The following ZNF841 variants were observed in gnomAD, a reference collection of about 807,000 sequenced individuals.
ZNF841 encodes TCONS_00006091.
Under a neutral mutation model 13.0 loss-of-function variants are expected in ZNF841, and 11 were observed. That is an observed-to-expected ratio of 0.85 (90% CI 0.53 to 1.40). The LOEUF is 1.40. Among genes scored for constraint, ZNF841 ranks in the 40% most tolerant of loss-of-function variants. The pLI is 0.00. For missense variants in ZNF841, 1,068 were observed against 1,139.5 expected, an observed-to-expected ratio of 0.94 and a Z score of 0.90; for synonymous variants, 369 against 381.6, an observed-to-expected ratio of 0.97 and a Z score of 0.38.
At chr19:52,059,370 A>AAAAAAAT in the ZNF841 span, among the ~76,000 whole-genome samples, 115 of 69,562 alleles carry the variant, frequency 1.7e-3, 1 homozygote, top group African/African-American at 9.4e-3. Flanking sequence ...AAAAAAAAAA[A>AAAAAAAT]ATATATATAT....
At position 52,077,036 on chromosome 19, in the gene ZNF841, ACTC is replaced by A; in HGVS notation, c.61_63del (p.Glu21del). On this transcript the variant is annotated inframe_deletion, in exon 5 of 7. Coordinates refer to ENST00000594440, the MANE Select transcript of ZNF841 (RefSeq NM_001136499.2). ...TTCTGAACAGGGTCCAGGCATTTCCACTCCTCCTGAGAGAATTCTACAGCCACA... is the reference window on the plus strand; with the variant it reads ...TTCTGAACAGGGTCCAGGCATTTCCACTCCTGAGAGAATTCTACAGCCACA... 1 of 1,613,096 alleles carries A rather than the reference ACTC, an allele frequency of 6.2e-7. No homozygotes were observed.
At chr19:52,076,703 G>C (rs1827549717) in intron 5 of ZNF841, among the ~76,000 whole-genome samples, 1 of 151,522 alleles carries the variant, frequency 6.6e-6, no homozygotes, top group Non-Finnish European at 1.5e-5. Context: ...CAGGGAATTG[G>C]ATATATTAAC....
chr19:52,064,345 T>TC (rs2087461277), downstream of ZNF841: 1 of 82,410 alleles, frequency 1.2e-5, no homozygotes, highest in Non-Finnish European at 2.2e-5. Flanking sequence ...AGAGCGAGAC[T>TC]CCGTCTCCAA....
In ZNF841 at chr19:52,067,418, C is replaced by T; in HGVS notation, c.464G>A (p.Gly155Glu). The change falls in exon 7 of 7, where the codon GGG becomes GAG. Residue 155 changes from glycine to glutamate, a missense_variant. By Grantham distance (98) the Gly-to-Glu change is moderately conservative. Coordinates refer to ENST00000594440, the MANE Select transcript of ZNF841 (RefSeq NM_001136499.2). ...AAGATTGTTTTTATGGGTCATCGGC[C>T]CTTCTTTATAATTTATTTCACCATC... The part of the protein sequence containing the change: ...WKDGEINYKE[G>E]PMTHKNNLTG... 1 of 1,548,060 alleles carries T rather than the reference C, an allele frequency of 6.5e-7. No individual in the cohort carries two copies. Among genetic ancestry groups the T allele is most frequent in the African/African-American group, 1.4e-5 (1 of 72,784 alleles).
chr19:52,094,059 G>C (rs1388577449), intron 1 of ZNF841, 88 bp from the exon 2 acceptor site: 1 of 152,090 alleles, frequency 6.6e-6, no homozygotes, highest in Non-Finnish European at 1.5e-5. Flanking sequence ...TGTAGTGACA[G>C]TCAGTCATTT....
chr19:52,064,141 G>C (rs960566611), downstream of ZNF841, among the ~76,000 whole-genome samples: 1 of 151,296 alleles, frequency 6.6e-6, no homozygotes. Context: ...TCAGGAGATC[G>C]AGACCATCCT....
chr19:52,069,017 A>G (rs1330064838), intron 6 of ZNF841, among the ~76,000 whole-genome samples: 1 of 152,192 alleles, frequency 6.6e-6, no homozygotes, highest in Admixed American at 6.5e-5. Flanking sequence ...CTCAGTTATG[A>G]TTTCATGCCT....
At chr19:52,089,926 A>G (rs8112113) in intron 2 of ZNF841, among the ~76,000 whole-genome samples, 32,171 of 152,046 alleles carry the variant, frequency 0.21, 4,758 homozygotes, top group African/African-American at 0.41. Flanking sequence ...CTCTGGGCAC[A>G]TGCAACACAG....
chr19:52,074,429 T>C (rs1488099156), intron 6 of ZNF841, among the ~76,000 whole-genome samples: 4 of 152,176 alleles, frequency 2.6e-5, no homozygotes, highest in African/African-American at 2.4e-5. Flanking sequence ...TAAACAAAAA[T>C]ACTGGGGAAG....
At chr19:52,081,980 T>G (rs998652851) in intron 4 of ZNF841, among the ~76,000 whole-genome samples, 1 of 152,130 alleles carries the variant, frequency 6.6e-6, no homozygotes, top group Non-Finnish European at 1.5e-5. Context: ...AAAGGGGATT[T>G]TGACACGGAG....
chr19:52,083,273 G>A (rs911450183), intron 4 of ZNF841, among the ~76,000 whole-genome samples: 1 of 151,822 alleles, frequency 6.6e-6, no homozygotes, highest in Admixed American at 6.6e-5. Context: ...CAGGGAAAAG[G>A]AACCTGGGTT....
At chr19:52,084,727 C>T in intron 4 of ZNF841, 60 bp downstream of exon 4, 2 of 1,580,966 alleles carry the variant, frequency 1.3e-6, no homozygotes, top group Middle Eastern at 1.7e-4. Context: ...TTTGCAGCTC[C>T]AATGCCCTGC....
At position 52,067,197 on chromosome 19, in the gene ZNF841, C is replaced by A; in HGVS notation, c.685G>T (p.Gly229Cys). The A allele has an allele frequency of 1.9e-6, 3 of 1,550,298 alleles. No homozygotes were observed. Among genetic ancestry groups the A allele is most frequent in the East Asian group, 2.4e-5 (1 of 40,916 alleles). ...LASPLQRIFP[G>C]VQTNISRKYG... The stretch of plus-strand genomic sequence containing the variant: ...TTCCTAGAAATGTTGGTTTGGACAC[C>A]AGGAAAAATTCTTTGAAGTGGTGAA... The change falls in exon 7 of 7, where the codon GGT (glycine) becomes TGT (cysteine). Residue 229 changes from glycine to cysteine, a missense_variant. Transcript: ENST00000594440.
chr19:52,064,311 AG>A (rs2087459538), downstream of ZNF841, among the ~76,000 whole-genome samples: 1 of 132,174 alleles, frequency 7.6e-6, no homozygotes, highest in African/African-American at 2.7e-5. Flanking sequence ...GCGCCACTGC[AG>A]TCCGCAGTCC....
Position 52,065,266 on chromosome 19 carries a change from A to G in ZNF841, c.2616T>C (p.Ser872=), listed in dbSNP as rs754730277. 3 of 1,613,876 alleles carry G rather than the reference A, an allele frequency of 1.9e-6. No individual in the cohort carries two copies. In the Admixed American group the frequency reaches 5.0e-5, roughly 27 times the overall value. ...SCLTKHQRIH[S]SEKPYKCNEC... is the part of the protein sequence containing the mutation. ...CATTACATTTATAAGGTTTTTCACT[A>G]GAATGAATTCGTTGGTGTTTAGTGA... The change falls in exon 7 of 7, where the codon TCT becomes TCC. Residue 872 remains serine (S), a synonymous_variant. Coordinates refer to ENST00000594440, the MANE Select transcript of ZNF841 (RefSeq NM_001136499.2).
intron 6 of ZNF841, among the ~76,000 whole-genome samples, chr19:52,074,851 CA>C (rs2123274525): frequency 6.6e-6 from 1 of 152,124 alleles, no homozygotes; most frequent in African/African-American, 2.4e-5. Flanking sequence ...ACTGCTAGCT[CA>C]AAAAAGAGGA....
At chr19:52,088,750 T>C (rs73054186) in intron 3 of ZNF841, among the ~76,000 whole-genome samples, 187 bp downstream of exon 3, 31,927 of 151,916 alleles carry the variant, frequency 0.21, 4,643 homozygotes, top group African/African-American at 0.41. Context: ...CTCTAGTAAA[T>C]TGCAGACCGC....
downstream of ZNF841, among the ~76,000 whole-genome samples, chr19:52,062,374 T>C (rs930638117): frequency 1.3e-5 from 2 of 152,168 alleles, no homozygotes; most frequent in East Asian, 3.9e-4. Context: ...ATGTTTCCCA[T>C]ATCCCAAAGC....
chr19:52,067,659 A>G (rs754465157), intron 6 of ZNF841, 49 bp from the exon 7 acceptor site: 5 of 1,276,562 alleles, frequency 3.9e-6, no homozygotes, highest in African/African-American at 3.1e-5. Context: ...TTATTGGTAA[A>G]TATTATTTTA....
Sources: gnomAD v4.1 joint callset for allele counts (sites outside exome capture counted in the v4.1 genomes callset) on GRCh38, gnomAD v4.1.1 for gene constraint, MANE v1.5 for transcripts, NCBI Gene and HGNC (gene_info 2026-07-23, HGNC 2026-07-21) for gene names.